CLASP1: variants seen among roughly 807,000 people sequenced by gnomAD.
The protein encoded by CLASP1 is cytoplasmic linker associated protein 1.
In CLASP1, 38 loss-of-function variants were observed where a neutral mutation model predicts 192.3. The observed-to-expected ratio is 0.20, with a 90% CI of 0.15 to 0.26. The LOEUF is 0.26. Among genes scored for constraint, CLASP1 ranks in the 10% least tolerant of loss-of-function variants. CLASP1 has a pLI of 1.00. For missense variants in CLASP1, 1,433 were observed against 1,932.5 expected, an observed-to-expected ratio of 0.74 and a Z score of 4.85; for synonymous variants, 691 against 712.8, an observed-to-expected ratio of 0.97 and a Z score of 0.49.
chr2:121,395,721 A>G (rs563043122), intron 30 of CLASP1, among the ~76,000 whole-genome samples: 61 of 152,296 alleles, frequency 4.0e-4, no homozygotes, highest in African/African-American at 1.4e-3. Context: ...ACAGAAAACC[A>G]GGCAGGTATT....
chr2:121,567,295 A>G (rs1189814506), intron 2 of CLASP1, among the ~76,000 whole-genome samples: 2 of 152,176 alleles, frequency 1.3e-5, no homozygotes, highest in Non-Finnish European at 2.9e-5. Context: ...AACAAAACAA[A>G]GCCCTTGCCC....
At chr2:121,514,858 T>A (rs957281710) in intron 7 of CLASP1, among the ~76,000 whole-genome samples, 1 of 152,222 alleles carries the variant, frequency 6.6e-6, no homozygotes, top group Admixed American at 6.5e-5. Flanking sequence ...GGTTTTGAAC[T>A]TGGTTCTCTC....
At chr2:121,423,868 TCTC>T (rs1437053181) in intron 22 of CLASP1, among the ~76,000 whole-genome samples, 2 of 152,194 alleles carry the variant, frequency 1.3e-5, no homozygotes, top group East Asian at 3.8e-4. Context: ...TTAAATATCT[TCTC>T]CTGCCTTCTC....
intron 30 of CLASP1, among the ~76,000 whole-genome samples, chr2:121,394,427 T>A (rs1367430338): frequency 6.6e-6 from 1 of 152,232 alleles, no homozygotes; most frequent in Non-Finnish European, 1.5e-5. Flanking sequence ...TTCAATGTCA[T>A]CCACTGCCTT....
At chr2:121,357,112 A>G (rs1281002031) in intron 37 of CLASP1, among the ~76,000 whole-genome samples, 1 of 152,244 alleles carries the variant, frequency 6.6e-6, no homozygotes, top group Non-Finnish European at 1.5e-5. Flanking sequence ...CGGCTACCCC[A>G]GCACAAATAT....
chr2:121,350,884 A>G (rs1216785163), intron 37 of CLASP1, among the ~76,000 whole-genome samples: 1 of 152,194 alleles, frequency 6.6e-6, no homozygotes, highest in Admixed American at 6.5e-5. Context: ...TACTTTTTAG[A>G]TAGATAGAAA....
rs70954551 is a variant in CLASP1 at position 121,498,201 on chromosome 2, C to CTTTTTTTTTTTTTT, written c.712+4952_712+4965dup. Among the ~76,000 whole-genome samples the CTTTTTTTTTTTTTT allele has an allele frequency of 7.6e-5, 9 of 119,090 alleles. 1 individual carries two copies. The highest frequency in any genetic ancestry group is 2.2e-4 in the African/African-American group (6 of 27,026). 78.1% of individuals were successfully genotyped at this position (119,090 alleles called of 152,430 possible). A position where few individuals can be genotyped will look rare whatever the true frequency, so the allele number is the denominator to read the frequency against. ...ACTGTGGTAAAATAGGTAATAGTTT[C>CTTTTTTTTTTTTTT]TTTTTTTTTTTTTTTTTTCTGAGAC... On this transcript the variant is annotated intron_variant, in intron 8 of 39. Transcript: ENST00000263710.
At chr2:121,530,109 T>G in intron 3 of CLASP1, 138 bp downstream of exon 3, 1 of 688,384 alleles carries the variant, frequency 1.5e-6, no homozygotes, top group Non-Finnish European at 2.4e-6. Flanking sequence ...GACTGGCTGT[T>G]TGGGAGGAGC....
chr2:121,503,934 A>G (rs1012351251), intron 7 of CLASP1: 1 of 152,206 alleles, frequency 6.6e-6, no homozygotes, highest in African/African-American at 2.4e-5. Context: ...AGTTAAGAAA[A>G]AAGAGGCTTT....
chr2:121,385,995 G>A (rs913813344), intron 32 of CLASP1, among the ~76,000 whole-genome samples: 3 of 152,092 alleles, frequency 2.0e-5, no homozygotes, highest in African/African-American at 7.2e-5. Flanking sequence ...GAAACTTGAG[G>A]GAGTAAACAT....
intron 20 of CLASP1, 89 bp downstream of exon 20, chr2:121,429,984 A>G (rs1049761117): frequency 3.0e-6 from 3 of 984,310 alleles, no homozygotes; most frequent in African/African-American, 3.3e-5. Flanking sequence ...TTCCCTCTGA[A>G]GTCAATATAG....
exon 7 of CLASP1, chr2:121,515,727 A>C: frequency 6.2e-7 from 1 of 1,613,944 alleles, no homozygotes; most frequent in Non-Finnish European, 8.5e-7. Context: ...CATGTCTGTA[A>C]ATTTCCACTA....
At chr2:121,530,168 G>C in intron 3 of CLASP1, 79 bp downstream of exon 3, 3 of 1,281,208 alleles carry the variant, frequency 2.3e-6, no homozygotes, top group Non-Finnish European at 3.3e-6. Context: ...GCTGCCGGGA[G>C]GGTTTGGGAG....
At position 121,398,309 on chromosome 2, in the gene CLASP1, A is replaced by G. The variant is rs758303300; in HGVS notation, c.2979+13T>C. 9 of 1,575,042 alleles carry G rather than the reference A, an allele frequency of 5.7e-6. No homozygotes were observed. The highest frequency in any genetic ancestry group is 2.3e-5 in the East Asian group (1 of 44,168). On this transcript the variant is annotated intron_variant, in intron 29 of 39. Transcript: ENST00000263710. ...GTTCCAGGGTTGAATTGTAATGACA[A>G]ATAATTACTGACCTTGAGGTTTGGA... is the stretch of plus-strand genomic sequence containing the variant.
chr2:121,483,492 A>ATG (rs1559387822), intron 8 of CLASP1, among the ~76,000 whole-genome samples: 2 of 151,604 alleles, frequency 1.3e-5, no homozygotes, highest in East Asian at 1.9e-4. Context: ...GTATATATAT[A>ATG]TGTGTGTATA....
intron 24 of CLASP1, among the ~76,000 whole-genome samples, 176 bp downstream of exon 25, chr2:121,410,690 G>GTTT (rs1303771376): frequency 2.0e-5 from 3 of 152,112 alleles, no homozygotes; most frequent in African/African-American, 7.2e-5. Context: ...TGTGTGCAGA[G>GTTT]GTAAAAGTTT....
intron 23 of CLASP1, among the ~76,000 whole-genome samples, chr2:121,411,712 T>G (rs1163193809): frequency 6.6e-6 from 1 of 152,294 alleles, no homozygotes; most frequent in African/African-American, 2.4e-5. Flanking sequence ...CAAACAAGTA[T>G]TTTAAGCTTA....
rs540794079 is a variant in CLASP1 at position 121,520,616 on chromosome 2, A to T, written c.547-4854T>A. ...TTGAACCAAACTCAACAAGAGGGCC[A>T]GCAGTCAGCATGGGGAGTCCCACTG... On this transcript the variant is annotated intron_variant, in intron 6 of 39. Coordinates refer to ENST00000263710, the Ensembl canonical transcript of CLASP1. Among the ~76,000 whole-genome samples the T allele has an allele frequency of 5.2e-5, 8 of 152,390 alleles. No individual in the cohort carries two copies. The East Asian group carries it at 9.6e-4, about 18-fold the overall frequency.
chr2:121,435,574 T>A (rs6746164), intron 19 of CLASP1, among the ~76,000 whole-genome samples: 30,965 of 152,204 alleles, frequency 0.2, 5,874 homozygotes, highest in African/African-American at 0.5. Flanking sequence ...ATGCCCGCCC[T>A]ATTTTTACCT....
Sources: allele counts gnomAD v4.1 joint callset (sites outside exome capture counted in the v4.1 genomes callset), GRCh38; gene constraint gnomAD v4.1.1; transcripts MANE v1.5; gene names NCBI Gene and HGNC (gene_info 2026-07-23, HGNC 2026-07-21).